Variants in USP12 observed in about 807,000 individuals in gnomAD.
The protein encoded by USP12 is ubiquitin carboxyl-terminal hydrolase 12.
USP12 carries 19 observed loss-of-function variants against 45.5 expected under a neutral mutation model. The observed-to-expected ratio is 0.42, with a 90% CI of 0.29 to 0.61. The LOEUF is 0.61. USP12 is among the 20% of genes least tolerant of loss of function. USP12 has a pLI of 0.22. For synonymous variants in USP12, 149 were observed against 148.8 expected, an observed-to-expected ratio of 1.00 and a Z score of -0.01; for missense variants, 242 against 447.7, an observed-to-expected ratio of 0.54 and a Z score of 4.15.
chr13:27,164,836 C>T (rs539678364), intron 1 of USP12, among the ~76,000 whole-genome samples: 6 of 152,216 alleles, frequency 3.9e-5, no homozygotes, highest in African/African-American at 1.4e-4. Flanking sequence ...GAGATTGGGA[C>T]TGTAGGTTTT....
intron 1 of USP12, among the ~76,000 whole-genome samples, chr13:27,161,733 A>G (rs1192569683): frequency 6.6e-6 from 1 of 151,812 alleles, no homozygotes; most frequent in Non-Finnish European, 1.5e-5. Context: ...AAAAGAAAAA[A>G]TAGCTGGGCA....
At chr13:27,148,438 G>A (rs547245171) in intron 1 of USP12, among the ~76,000 whole-genome samples, 2 of 151,826 alleles carry the variant, frequency 1.3e-5, no homozygotes, top group East Asian at 3.9e-4. Context: ...CACTTTGGGA[G>A]GCCGAGGCGG....
chr13:27,108,293 A>G (rs1390970923), intron 2 of USP12, among the ~76,000 whole-genome samples: 1 of 152,092 alleles, frequency 6.6e-6, no homozygotes, highest in Non-Finnish European at 1.5e-5. Context: ...ACAAAAAACC[A>G]AACACCGCAT....
At chr13:27,132,578 G>T (rs1029800136) in intron 1 of USP12, among the ~76,000 whole-genome samples, 5 of 152,300 alleles carry the variant, frequency 3.3e-5, no homozygotes, top group Admixed American at 6.5e-5. Flanking sequence ...GTACGGCTTT[G>T]TGAATGAAAG....
intron 3 of USP12, among the ~76,000 whole-genome samples, chr13:27,105,218 T>C (rs907853234): frequency 1.3e-5 from 2 of 152,198 alleles, no homozygotes; most frequent in Non-Finnish European, 2.9e-5. Flanking sequence ...GGATTAAAAC[T>C]TATCTACCCT....
At chr13:27,130,198 T>C (rs528979423) in intron 1 of USP12, among the ~76,000 whole-genome samples, 6 of 152,328 alleles carry the variant, frequency 3.9e-5, no homozygotes, top group African/African-American at 1.4e-4. Flanking sequence ...TGCATTTTGC[T>C]CAGTTCTGGC....
At chr13:27,069,508 A>C in intron 8 of USP12, 124 bp from the exon 9 acceptor site, 1 of 747,632 alleles carries the variant, frequency 1.3e-6, no homozygotes, top group Non-Finnish European at 2.3e-6. Context: ...ACTCTCACAC[A>C]CAGCTGGCAG....
In USP12 at chr13:27,105,769, G is replaced by C; in HGVS notation, c.305C>G (p.Pro102Arg). The C allele has an allele frequency of 6.2e-7, 1 of 1,613,654 alleles. No homozygotes were observed. Among genetic ancestry groups the C allele is most frequent in the Non-Finnish European group, 8.5e-7 (1 of 1,179,752 alleles). ...TAATCTTGTGATGAACTTCTTAGGG[G>C]GTATTACTCCAACCTTTTTCTTCTG... The part of the protein sequence containing the change: ...ATQKKKVGVI[P>R]PKKFITRLRK... The change falls in exon 3 of 9, where the codon CCC (proline) becomes CGC (arginine). Residue 102 changes from proline to arginine, a missense_variant. Around this residue, in one of 5 missense-constraint regions of USP12, gnomAD observed 77 missense variants for 153.7 expected, o/e 0.50. Coordinates refer to ENST00000282344, the MANE Select transcript of USP12 (RefSeq NM_182488.4).
At chr13:27,105,327 T>C (rs17592082) in intron 3 of USP12, among the ~76,000 whole-genome samples, 10,655 of 152,150 alleles carry the variant, frequency 0.07, 452 homozygotes, top group African/African-American at 0.089. Context: ...GGAAATGACA[T>C]GCTCTCTATC....
intron 3 of USP12, among the ~76,000 whole-genome samples, chr13:27,098,474 C>T (rs1874703909): frequency 6.6e-6 from 1 of 152,000 alleles, no homozygotes; most frequent in Admixed American, 6.6e-5. Context: ...TGACAAGGGA[C>T]TGGGAAATAA....
chr13:27,171,451 C>A (rs1878605122), intron 1 of USP12, 141 bp downstream of exon 1: 1 of 5,776 alleles, frequency 1.7e-4, no homozygotes, highest in African/African-American at 6.2e-4. Context: ...ACCGCCCCCG[C>A]CCGGGCCGCC....
rs572476550 is a variant in USP12, at chr13:27,123,931, C to T, written c.49-7335G>A. ...AAGATGAGGTCTTGTCCTTTTCACA[C>T]CCAGAAATCACCATCCAAGTGAAAT... On this transcript the variant is annotated intron_variant, in intron 1 of 8. Coordinates refer to ENST00000282344, the MANE Select transcript of USP12 (RefSeq NM_182488.4). Among the ~76,000 whole-genome samples the T allele has an allele frequency of 2.6e-5, 4 of 152,208 alleles. No individual in the cohort carries two copies. In the East Asian group the frequency reaches 7.7e-4, roughly 29 times the overall value.
Position 27,124,540 on chromosome 13 carries a change from A to G in USP12, c.49-7944T>C, listed in dbSNP as rs150763692. Among the ~76,000 whole-genome samples the G allele has an allele frequency of 7.0e-3, 1,068 of 152,332 alleles. 8 individuals are homozygous for G. Among genetic ancestry groups the G allele is most frequent in the Middle Eastern group, 0.014 (4 of 294 alleles). On this transcript the variant is annotated intron_variant, in intron 1 of 8. Coordinates refer to ENST00000282344, the MANE Select transcript of USP12 (RefSeq NM_182488.4). The stretch of plus-strand genomic sequence containing the variant: ...ATACACTGTTCCAGTTTCATGTTTC[A>G]AGTCATATTTTAGAATGCAGCATGT...
At chr13:27,152,910 C>G (rs1477443079) in intron 1 of USP12, among the ~76,000 whole-genome samples, 5 of 144,738 alleles carry the variant, frequency 3.5e-5, no homozygotes, top group Non-Finnish European at 6.0e-5. Context: ...CCACTGCACT[C>G]CAGCCTGGGT....
At chr13:27,084,393 C>A (rs1367750118) in intron 6 of USP12, among the ~76,000 whole-genome samples, 1 of 150,838 alleles carries the variant, frequency 6.6e-6, no homozygotes, top group African/African-American at 2.4e-5. Context: ...GTAGTCCCAG[C>A]TACTCAGGAG....
chr13:27,106,978 C>T (rs1875170783), intron 2 of USP12, among the ~76,000 whole-genome samples: 1 of 152,176 alleles, frequency 6.6e-6, no homozygotes. Flanking sequence ...GTTTACCATA[C>T]ATGCCTAATG....
chr13:27,088,912 A>C (rs1404557279), intron 6 of USP12, among the ~76,000 whole-genome samples: 1 of 152,200 alleles, frequency 6.6e-6, no homozygotes, highest in African/African-American at 2.4e-5. Context: ...GGCACAAATC[A>C]AGTCACATAT....
chr13:27,169,779 A>C (rs1391133018), intron 1 of USP12, among the ~76,000 whole-genome samples: 2 of 152,216 alleles, frequency 1.3e-5, no homozygotes, highest in African/African-American at 4.8e-5. Context: ...TGTGTCCATG[A>C]GCAAGAATGT....
At chr13:27,091,121 AG>A (rs1242576732) in intron 4 of USP12, among the ~76,000 whole-genome samples, 3 of 152,178 alleles carry the variant, frequency 2.0e-5, no homozygotes, top group Non-Finnish European at 4.4e-5. Context: ...AGTCTCAAAA[AG>A]TCTGGTGAAA....
Sources: allele counts gnomAD v4.1 joint callset (sites outside exome capture counted in the v4.1 genomes callset), GRCh38; gene constraint gnomAD v4.1.1; regional missense constraint gnomAD v4.1.1; transcripts MANE v1.5; gene names NCBI Gene and HGNC (gene_info 2026-07-23, HGNC 2026-07-21).